Variants in KIF26B observed in about 807,000 individuals in gnomAD.
KIF26B encodes kinesin family member 26B, also known as kinesin-like protein KIF26B.
Under a neutral mutation model 151.2 loss-of-function variants are expected in KIF26B, and 63 were observed. The observed-to-expected ratio is 0.42, with a 90% CI of 0.34 to 0.51. KIF26B has a LOEUF of 0.51. Ranked by LOEUF, KIF26B falls within the 20% of genes least tolerant of loss-of-function variation. KIF26B has a pLI of 0.07. For missense variants in KIF26B, 2,813 were observed against 2,913.6 expected (o/e 0.97, Z 0.79); for synonymous variants, 1,357 against 1,262.1 (o/e 1.08, Z -1.59).
At chr1:245,263,306 A>G (rs1368498667) in intron 2 of KIF26B, among the ~76,000 whole-genome samples, 1 of 151,904 alleles carries the variant, frequency 6.6e-6, no homozygotes, top group African/African-American at 2.4e-5. Flanking sequence ...TGCTTGTTCC[A>G]CTCGGAAGGG....
At chr1:245,388,901 C>T (rs928660703) in intron 3 of KIF26B, among the ~76,000 whole-genome samples, 14 of 152,172 alleles carry the variant, frequency 9.2e-5, no homozygotes, top group African/African-American at 3.4e-4. Flanking sequence ...AGCCAGTCTC[C>T]TGTAATTGAC....
intron 4 of KIF26B, among the ~76,000 whole-genome samples, chr1:245,490,695 A>G (rs189009625): frequency 2.0e-5 from 3 of 152,294 alleles, no homozygotes; most frequent in Admixed American, 1.3e-4. Flanking sequence ...CAGCCGTTTC[A>G]TATTAGTGTC....
At position 245,167,507 on chromosome 1, in the gene KIF26B, C is replaced by G. The variant is rs1317784246; in HGVS notation, c.465+10824C>G. 1.3e-5 allele frequency among the ~76,000 whole-genome samples: 2 copies of G among 152,198 alleles called. No individual in the cohort carries two copies. Among genetic ancestry groups the G allele is most frequent in the Admixed American group, 6.5e-5 (1 of 15,278 alleles). ...ACTTCCCAACCCTTCCTCCACCTAA[C>G]TGGTGGCTTCACACAAGAATGGGAG... On this transcript the variant is annotated intron_variant, in intron 2 of 14. Coordinates refer to ENST00000407071, the MANE Select transcript of KIF26B (RefSeq NM_018012.4). The surrounding 1 kb of genome is among the most constrained non-coding windows in gnomAD (Gnocchi z 4.2).
Position 245,665,532 on chromosome 1 carries a change from T to A in KIF26B, c.2259-18701T>A, listed in dbSNP as rs532894277. ...AATCCAATTTAAACTTCATAAAAAA[T>A]TTTTGTAGTTCAGTTACTCTCAGTT... On this transcript the variant is annotated intron_variant, in intron 10 of 14. Coordinates refer to ENST00000407071, the MANE Select transcript of KIF26B (RefSeq NM_018012.4). Among the ~76,000 whole-genome samples, 18 of 148,900 alleles carry A rather than the reference T, an allele frequency of 1.2e-4. No individual in the cohort carries two copies. The South Asian group carries it at 3.3e-3, about 28-fold the overall frequency.
At chr1:245,222,832 AC>A (rs1669801538) in intron 2 of KIF26B, among the ~76,000 whole-genome samples, 1 of 152,206 alleles carries the variant, frequency 6.6e-6, no homozygotes, top group African/African-American at 2.4e-5. Flanking sequence ...AGTGCAAAAA[AC>A]GTTACTTAAT....
intron 9 of KIF26B, among the ~76,000 whole-genome samples, chr1:245,641,024 G>A (rs1220108945): frequency 6.6e-6 from 1 of 151,988 alleles, no homozygotes; most frequent in Non-Finnish European, 1.5e-5. Flanking sequence ...TTTATCATAG[G>A]CTAGGTCTGG....
At chr1:245,581,440 A>G (rs2043173683) in intron 5 of KIF26B, among the ~76,000 whole-genome samples, 1 of 150,086 alleles carries the variant, frequency 6.7e-6, no homozygotes, top group African/African-American at 2.5e-5. Flanking sequence ...AATAGAAGAT[A>G]GGTAGATAGA....
chr1:245,653,588 C>G (rs1320370938), intron 10 of KIF26B, among the ~76,000 whole-genome samples: 1 of 152,110 alleles, frequency 6.6e-6, no homozygotes. Flanking sequence ...GGTTGAGTAT[C>G]TTGTCCAAGT....
Position 245,365,513 on chromosome 1 carries a change from T to TCCCC in KIF26B, c.466-1317_466-1314dup, listed in dbSNP as rs528122828. On this transcript the variant is annotated intron_variant, in intron 2 of 14. Transcript: ENST00000407071. ...TCCTGCCCCGTCACTGCCTCACAAC[T>TCCCC]CCCCCCCACCAGCCTACAGCTCAGC... Among the ~76,000 whole-genome samples the TCCCC allele has an allele frequency of 3.4e-4, 47 of 137,204 alleles. 1 individual carries two copies. The highest frequency in any genetic ancestry group is 1.5e-3 in the African/African-American group (47 of 31,728). 90.0% of individuals were successfully genotyped at this position (137,204 alleles called of 152,430 possible).
chr1:245,161,636 A>G (rs1239545898), intron 2 of KIF26B, among the ~76,000 whole-genome samples: 4 of 152,172 alleles, frequency 2.6e-5, no homozygotes, highest in Admixed American at 2.0e-4. Flanking sequence ...ACACTGAAAC[A>G]CACACACACA....
chr1:245,552,167 G>A (rs1661902040), intron 5 of KIF26B, among the ~76,000 whole-genome samples: 1 of 143,756 alleles, frequency 7.0e-6, no homozygotes, highest in Non-Finnish European at 1.5e-5. Flanking sequence ...GTGTGTGTGT[G>A]TGTGGAGTGG....
intron 10 of KIF26B, among the ~76,000 whole-genome samples, chr1:245,668,519 A>G (rs2147938988): frequency 1.3e-5 from 2 of 152,280 alleles, no homozygotes; most frequent in East Asian, 3.9e-4. Flanking sequence ...GCTTCTGTGT[A>G]ACGTCTTTTC....
At chr1:245,268,907 A>G (rs1268100984) in intron 2 of KIF26B, among the ~76,000 whole-genome samples, 4 of 152,130 alleles carry the variant, frequency 2.6e-5, no homozygotes, top group Non-Finnish European at 5.9e-5. Flanking sequence ...CCTAGCGGAC[A>G]ACTGCTTTGT....
At chr1:245,405,628 T>A (rs1359886283) in intron 3 of KIF26B, among the ~76,000 whole-genome samples, 1 of 151,836 alleles carries the variant, frequency 6.6e-6, no homozygotes, top group Non-Finnish European at 1.5e-5. Flanking sequence ...GATGTTGTTT[T>A]TTTTTTTTGT....
intron 2 of KIF26B, among the ~76,000 whole-genome samples, chr1:245,356,353 C>T (rs4658455): frequency 0.14 from 21,414 of 151,952 alleles, 3,857 homozygotes; most frequent in African/African-American, 0.41. Flanking sequence ...GTCAGGAGTT[C>T]GAGAGCAGCC....
intron 4 of KIF26B, among the ~76,000 whole-genome samples, chr1:245,444,743 C>T (rs982030471): frequency 6.6e-6 from 1 of 152,086 alleles, no homozygotes; most frequent in Admixed American, 6.5e-5. Flanking sequence ...CATAAACTTC[C>T]ACATTCTCTC....
chr1:245,158,274 T>C (rs2103516060), intron 2 of KIF26B, among the ~76,000 whole-genome samples: 1 of 152,114 alleles, frequency 6.6e-6, no homozygotes, highest in South Asian at 2.1e-4. Context: ...CAAAATACAC[T>C]CTTCTCATTT....
At chr1:245,365,520 CA>C (rs143093419) in intron 2 of KIF26B, among the ~76,000 whole-genome samples, 29 of 149,202 alleles carry the variant, frequency 1.9e-4, no homozygotes, top group Middle Eastern at 3.4e-3. Flanking sequence ...AACTCCCCCC[CA>C]CCAGCCTACA....
chr1:245,553,769 G>C (rs1027608537), intron 5 of KIF26B, among the ~76,000 whole-genome samples: 3 of 152,132 alleles, frequency 2.0e-5, no homozygotes, highest in Non-Finnish European at 4.4e-5. Context: ...CTGATGGGCT[G>C]GTTAGTCCCA....
Sources: allele counts gnomAD v4.1 joint callset (sites outside exome capture counted in the v4.1 genomes callset), GRCh38; gene constraint gnomAD v4.1.1; non-coding constraint Gnocchi (gnomAD v3.1); transcripts MANE v1.5; gene names NCBI Gene and HGNC (gene_info 2026-07-23, HGNC 2026-07-21).